Variants in DYNC1I1 observed in about 807,000 individuals in gnomAD.
The protein encoded by DYNC1I1 is cytoplasmic dynein 1 intermediate chain 1.
A neutral mutation model predicts 86.6 loss-of-function variants in DYNC1I1; 43 were observed. The observed-to-expected ratio is 0.50, with a 90% CI of 0.39 to 0.64. The LOEUF is 0.64. Ranked by LOEUF, DYNC1I1 falls within the 30% of genes least tolerant of loss-of-function variation. DYNC1I1 has a pLI of 0.00. For missense variants in DYNC1I1, 604 were observed against 788.8 expected, an observed-to-expected ratio of 0.77 and a Z score of 2.81; for synonymous variants, 262 against 283.7, an observed-to-expected ratio of 0.92 and a Z score of 0.77.
chr7:95,836,374 G>T (rs1161605840), intron 5 of DYNC1I1, among the ~76,000 whole-genome samples: 2 of 151,736 alleles, frequency 1.3e-5, no homozygotes, highest in Non-Finnish European at 2.9e-5. Flanking sequence ...AGGGTAACCC[G>T]ACCTTTCTCT....
intron 5 of DYNC1I1, among the ~76,000 whole-genome samples, chr7:95,841,868 C>A (rs1789292522): frequency 6.6e-6 from 1 of 152,206 alleles, no homozygotes; most frequent in Non-Finnish European, 1.5e-5. Flanking sequence ...GTCACCTGCT[C>A]ACTGTGTGCT....
chr7:96,027,824 T>A (rs963256714), intron 10 of DYNC1I1, among the ~76,000 whole-genome samples: 17 of 152,196 alleles, frequency 1.1e-4, no homozygotes, highest in African/African-American at 4.1e-4. Flanking sequence ...AGAATTAATA[T>A]TAGTTCTGTT....
At chr7:95,898,285 G>T (rs774329859) in intron 6 of DYNC1I1, among the ~76,000 whole-genome samples, 3 of 152,194 alleles carry the variant, frequency 2.0e-5, no homozygotes, top group African/African-American at 7.2e-5. Context: ...AGGAAATCCC[G>T]TAGAGTTTTC....
intron 6 of DYNC1I1, among the ~76,000 whole-genome samples, chr7:95,931,885 C>T (rs779361543): frequency 3.3e-5 from 5 of 152,206 alleles, no homozygotes; most frequent in Non-Finnish European, 4.4e-5. Context: ...ATTGTGGTGG[C>T]GTTAATCATA....
Position 95,813,356 on chromosome 7 carries a change from A to G in DYNC1I1, c.314+19A>G. On this transcript the variant is annotated intron_variant, in intron 4 of 16. Transcript: ENST00000447467. ...TAACAAGGTAAGAATTGTCCCTTTAAAAGGCCATGATGGGTGTCAATTAAA... is the reference window on the plus strand; with the variant it reads ...TAACAAGGTAAGAATTGTCCCTTTAGAAGGCCATGATGGGTGTCAATTAAA... The G allele has an allele frequency of 6.2e-7, 1 of 1,604,288 alleles. No individual in the cohort carries two copies. Among genetic ancestry groups the G allele is most frequent in the Non-Finnish European group, 8.5e-7 (1 of 1,177,306 alleles).
At chr7:95,825,600 A>G (rs1005965141) in intron 4 of DYNC1I1, among the ~76,000 whole-genome samples, 1 of 152,204 alleles carries the variant, frequency 6.6e-6, no homozygotes, top group Non-Finnish European at 1.5e-5. Flanking sequence ...TTCAGCAGAG[A>G]ATGAATTCAG....
chr7:95,844,581 T>A (rs990910261), intron 5 of DYNC1I1, among the ~76,000 whole-genome samples: 4 of 152,076 alleles, frequency 2.6e-5, no homozygotes, highest in African/African-American at 9.6e-5. Flanking sequence ...TAAGGATAGT[T>A]TAGTGGGTCG....
At chr7:96,035,511 C>A in intron 12 of DYNC1I1, 108 bp from the exon 13 acceptor site, 2 of 1,409,218 alleles carry the variant, frequency 1.4e-6, no homozygotes, top group Non-Finnish European at 1.9e-6. Context: ...TCTTTTGTAA[C>A]GCTGTGTGAA....
chr7:95,976,123 G>A (rs1230361100), intron 6 of DYNC1I1, among the ~76,000 whole-genome samples: 2 of 152,132 alleles, frequency 1.3e-5, no homozygotes, highest in Admixed American at 1.3e-4. Context: ...TCTCATAACT[G>A]TGACCTCAGG....
At chr7:95,994,395 G>A (rs1461502379) in intron 9 of DYNC1I1, among the ~76,000 whole-genome samples, 1 of 152,158 alleles carries the variant, frequency 6.6e-6, no homozygotes, top group African/African-American at 2.4e-5. Context: ...TACAAAGGGA[G>A]CTGATAACAG....
intron 14 of DYNC1I1, among the ~76,000 whole-genome samples, chr7:96,040,095 A>T (rs1354644643): frequency 6.6e-6 from 1 of 152,018 alleles, no homozygotes; most frequent in African/African-American, 2.4e-5. Context: ...TTAGCTACAT[A>T]TGGTGGTACA....
intron 4 of DYNC1I1, among the ~76,000 whole-genome samples, chr7:95,817,637 G>GT (rs1794976682): frequency 6.6e-6 from 1 of 152,150 alleles, no homozygotes; most frequent in South Asian, 2.1e-4. Context: ...TTCAATTTTA[G>GT]TAAGCATTGC....
At chr7:95,862,124 G>A (rs1194449060) in intron 5 of DYNC1I1, among the ~76,000 whole-genome samples, 2 of 152,136 alleles carry the variant, frequency 1.3e-5, no homozygotes, top group East Asian at 3.9e-4. Flanking sequence ...TTAAGTCTTT[G>A]TGTCCTTGGG....
At chr7:96,109,945 T>G (rs1487485700) in intron 16 of DYNC1I1, 3 of 288,516 alleles carry the variant, frequency 1.0e-5, no homozygotes, top group East Asian at 1.2e-4. Flanking sequence ...GTACTGATTT[T>G]CTGCCTACCT....
chr7:96,018,544 G>A (rs749879993), intron 10 of DYNC1I1, among the ~76,000 whole-genome samples: 4 of 152,116 alleles, frequency 2.6e-5, no homozygotes, highest in Admixed American at 6.6e-5. Flanking sequence ...CCATGTAGCC[G>A]GGGATGACAG....
At chr7:95,785,802 T>G (rs1446287969) in intron 1 of DYNC1I1, among the ~76,000 whole-genome samples, 1 of 124,480 alleles carries the variant, frequency 8.0e-6, no homozygotes, top group African/African-American at 4.0e-5. Context: ...TATATATATA[T>G]ATATATATAT....
intron 16 of DYNC1I1, among the ~76,000 whole-genome samples, chr7:96,108,462 G>C (rs1791253651): frequency 6.6e-6 from 1 of 152,146 alleles, no homozygotes; most frequent in Non-Finnish European, 1.5e-5. Flanking sequence ...AATTAGGGAA[G>C]TAATCCCTTG....
At chr7:95,887,767 C>T (rs1440632340) in intron 6 of DYNC1I1, among the ~76,000 whole-genome samples, 1 of 152,110 alleles carries the variant, frequency 6.6e-6, no homozygotes, top group East Asian at 1.9e-4. Flanking sequence ...AGTCCATCCC[C>T]TAATAGTGAG....
At chr7:95,939,852 G>C (rs1792154128) in intron 6 of DYNC1I1, among the ~76,000 whole-genome samples, 1 of 152,122 alleles carries the variant, frequency 6.6e-6, no homozygotes, top group South Asian at 2.1e-4. Context: ...GATGTTGGCT[G>C]GTTATTTTGC....
Sources: allele counts gnomAD v4.1 joint callset (sites outside exome capture counted in the v4.1 genomes callset), GRCh38; gene constraint gnomAD v4.1.1; transcripts MANE v1.5; gene names NCBI Gene and HGNC (gene_info 2026-07-23, HGNC 2026-07-21).